LDLRAP1: variants seen among roughly 807,000 people sequenced by gnomAD.
LDLRAP1 encodes low density lipoprotein receptor adaptor protein 1, also known as low density lipoprotein receptor adapter protein 1.
LDLRAP1 carries 30 observed loss-of-function variants against 37.8 expected under a neutral mutation model. The ratio of observed to expected loss-of-function variants is 0.79; its 90% confidence interval spans 0.59 to 1.08. The LOEUF (loss-of-function observed/expected upper bound fraction) is 1.08, where lower values mean the gene tolerates loss of function less well. LDLRAP1 is among the 50% of genes least tolerant of loss of function. The probability of loss-of-function intolerance (pLI) is 0.00; values close to 1 mark genes in which losing one functional copy is unlikely to be tolerated. For missense variants in LDLRAP1, 375 were observed against 401.6 expected (o/e 0.93, Z 0.57); for synonymous variants, 156 against 169.8 (o/e 0.92, Z 0.63).
the LDLRAP1 span, among the ~76,000 whole-genome samples, chr1:25,589,937 C>T: frequency 1.3e-5 from 2 of 152,154 alleles, no homozygotes; most frequent in Non-Finnish European, 2.9e-5. Flanking sequence ...CCCGTCTCTA[C>T]TAAAAATACA....
intron 7 of LDLRAP1, chr1:25,564,786 T>A: frequency 4.9e-6 from 1 of 203,674 alleles, no homozygotes; most frequent in Non-Finnish European, 1.0e-5. Flanking sequence ...TTCCCCACCC[T>A]CTTCCTTTTG....
At chr1:25,545,790 G>C (rs1357312472) in intron 1 of LDLRAP1, among the ~76,000 whole-genome samples, 9 of 152,250 alleles carry the variant, frequency 5.9e-5, no homozygotes, top group Admixed American at 5.9e-4. Flanking sequence ...CCAGCTGTTT[G>C]TGGGGATCAA....
At chr1:25,547,157 A>G (rs867929254) in intron 1 of LDLRAP1, among the ~76,000 whole-genome samples, 10 of 152,112 alleles carry the variant, frequency 6.6e-5, no homozygotes, top group African/African-American at 2.4e-4. Flanking sequence ...GACAAGTGAG[A>G]AGGGAGGGGA....
Position 25,543,617 on chromosome 1 carries a change from C to A in LDLRAP1, c.-82C>A. On this transcript the variant is annotated 5_prime_UTR_variant, in exon 1 of 9. Coordinates refer to ENST00000374338, the MANE Select transcript of LDLRAP1 (RefSeq NM_015627.3). ...GCGCTGGGAGGGGAGGAGCGCGCAGCCCGCGCGCCGCAGGGCCGGGCGGAA... is the reference window on the plus strand; with the variant it reads ...GCGCTGGGAGGGGAGGAGCGCGCAGACCGCGCGCCGCAGGGCCGGGCGGAA... 1.0e-6 allele frequency: 1 copy of A among 1,004,128 alleles called. No homozygotes were observed. The highest frequency in any genetic ancestry group is 1.3e-6 in the Non-Finnish European group (1 of 789,938). The allele number at this position is 1,004,128 out of a possible 1,614,324, so 62.2% of individuals were successfully genotyped here. A position where few individuals can be genotyped will look rare whatever the true frequency, so the allele number is the denominator to read the frequency against.
the LDLRAP1 span, among the ~76,000 whole-genome samples, chr1:25,578,294 C>T: frequency 6.6e-6 from 1 of 152,172 alleles, no homozygotes; most frequent in Non-Finnish European, 1.5e-5. Flanking sequence ...AGGCCTACGG[C>T]CCTCAAGCAG....
chr1:25,568,016 C>T lies in LDLRAP1; in HGVS notation c.*1024C>T, dbSNP rs1381223312. On this transcript the variant is annotated 3_prime_UTR_variant, in exon 9 of 9. Coordinates refer to ENST00000374338, the MANE Select transcript of LDLRAP1 (RefSeq NM_015627.3). ...GGAGGGGTAGAGTGAAGAGTAGAAC[C>T]CAGGTCTGATGCCAAAGCTGCTTTC... is the stretch of plus-strand genomic sequence containing the variant. 6.6e-6 allele frequency: 1 copy of T among 152,574 alleles called. No individual in the cohort carries two copies. Among genetic ancestry groups the T allele is most frequent in the Non-Finnish European group, 1.5e-5 (1 of 68,042 alleles). The allele number at this position is 152,574 out of a possible 1,614,324, so 9.5% of individuals were successfully genotyped here.
the LDLRAP1 span, among the ~76,000 whole-genome samples, chr1:25,577,417 T>A: frequency 2.0e-5 from 3 of 152,062 alleles, no homozygotes; most frequent in African/African-American, 7.2e-5. Flanking sequence ...GGTGGCCCTG[T>A]GGGCAGGTCC....
chr1:25,552,726 G>A (rs1258656817), intron 1 of LDLRAP1, among the ~76,000 whole-genome samples: 2 of 152,190 alleles, frequency 1.3e-5, no homozygotes, highest in Non-Finnish European at 2.9e-5. Flanking sequence ...AGTGCAGCCT[G>A]CTTTTGCCCT....
intron 1 of LDLRAP1, chr1:25,553,661 C>T: frequency 4.2e-6 from 2 of 471,342 alleles, no homozygotes; most frequent in South Asian, 2.1e-5. Flanking sequence ...AGACCAGCTA[C>T]TCGGGAGGCA....
rs2043854566 is a variant in LDLRAP1, at chr1:25,543,667, T to TGCGGCAGCG, written c.-26_-18dup. ...AAGTTTTTCCTGACGGAGTTTTGGC[T>TGCGGCAGCG]GCGGCAGCGGCGGCGGCGGCCGGAG... On this transcript the variant is annotated 5_prime_UTR_variant, in exon 1 of 9. Coordinates refer to ENST00000374338, the MANE Select transcript of LDLRAP1 (RefSeq NM_015627.3). 1 of 1,207,570 alleles carries TGCGGCAGCG rather than the reference T, an allele frequency of 8.3e-7. No homozygotes were observed. Among genetic ancestry groups the TGCGGCAGCG allele is most frequent in the Non-Finnish European group, 1.0e-6 (1 of 971,538 alleles). 74.8% of individuals were successfully genotyped at this position (1,207,570 alleles called of 1,614,324 possible). A position where few individuals can be genotyped will look rare whatever the true frequency, so the allele number is the denominator to read the frequency against.
chr1:25,558,426 T>G (rs1012518457), intron 4 of LDLRAP1, among the ~76,000 whole-genome samples: 1 of 152,228 alleles, frequency 6.6e-6, no homozygotes, highest in African/African-American at 2.4e-5. Context: ...GCAAATTTAG[T>G]GGCTTAAAAC....
chr1:25,556,724 T>C (rs1258159776), intron 3 of LDLRAP1, among the ~76,000 whole-genome samples: 1 of 152,236 alleles, frequency 6.6e-6, no homozygotes, highest in African/African-American at 2.4e-5. Context: ...AGTTCAGGTC[T>C]GGGCTCAGGT....
chr1:25,566,859 C>G lies in LDLRAP1; in HGVS notation c.794C>G (p.Ser265Cys). ...LDEAFSRLAQ[S>C]RTNPQVLDTG... ...GCTCTGCCTTCCAGGCTTGCCCAGT[C>G]TCGGACAAACCCTCAGGTCCTGGAC... The change falls in exon 9 of 9, where the codon TCT (serine) becomes TGT (cysteine). Residue 265 changes from serine to cysteine, a missense_variant. Transcript: ENST00000374338. The G allele has an allele frequency of 6.2e-7, 1 of 1,610,766 alleles. No homozygotes were observed. The highest frequency in any genetic ancestry group is 2.2e-5 in the East Asian group (1 of 44,670).
rs551029103 is a variant in LDLRAP1, at chr1:25,555,755, C to T, written c.344+783C>T. Among the ~76,000 whole-genome samples the T allele has an allele frequency of 6.6e-6, 1 of 152,306 alleles. No individual in the cohort carries two copies. The highest frequency in any genetic ancestry group is 2.1e-4 in the South Asian group (1 of 4,830). On this transcript the variant is annotated intron_variant, in intron 3 of 8. Transcript: ENST00000374338. This position sits in a 1 kb window ranked among gnomAD's most constrained non-coding sequence, Gnocchi z 4.7. ...TTGTGGGGGTCTGGCTGATGTCTTC[C>T]TCTCACCGGCCTGATCATACCTGCC...
chr1:25,587,118 A>G, the LDLRAP1 span, among the ~76,000 whole-genome samples: 5 of 152,180 alleles, frequency 3.3e-5, no homozygotes, highest in Non-Finnish European at 5.9e-5. Context: ...TCCGATCAGA[A>G]ATTCTGTCAT....
chr1:25,561,963 G>A (rs1045594736), intron 4 of LDLRAP1, among the ~76,000 whole-genome samples: 1 of 152,180 alleles, frequency 6.6e-6, no homozygotes, highest in Middle Eastern at 3.2e-3. Flanking sequence ...TGACATCTGA[G>A]TTGGGTTTGG....
At chr1:25,556,357 C>T (rs2044199583) in intron 3 of LDLRAP1, among the ~76,000 whole-genome samples, 1 of 152,148 alleles carries the variant, frequency 6.6e-6, no homozygotes, top group African/African-American at 2.4e-5. Context: ...ACAGGTGCGA[C>T]TGGGGGCAGA....
chr1:25,561,155 A>G (rs187908495), intron 4 of LDLRAP1, among the ~76,000 whole-genome samples: 4 of 152,348 alleles, frequency 2.6e-5, no homozygotes, highest in Non-Finnish European at 5.9e-5. Flanking sequence ...TTGGGTGGAT[A>G]GTGATCTGAC....
At chr1:25,571,108 G>T (rs548762980), downstream of LDLRAP1, among the ~76,000 whole-genome samples, 1 of 152,260 alleles carries the variant, frequency 6.6e-6, no homozygotes, top group Admixed American at 6.5e-5. Context: ...GTGCCTCTCC[G>T]TGCAGATCAA....
Sources: gnomAD v4.1 joint callset for allele counts (sites outside exome capture counted in the v4.1 genomes callset) on GRCh38, gnomAD v4.1.1 for gene constraint, Gnocchi (gnomAD v3.1) non-coding constraint, MANE v1.5 for transcripts, NCBI Gene and HGNC (gene_info 2026-07-23, HGNC 2026-07-21) for gene names.